The following ARHGEF18 variants were observed in gnomAD, a reference collection of about 807,000 sequenced individuals.
The protein encoded by ARHGEF18 is Rho/Rac guanine nucleotide exchange factor 18, also known as rho guanine nucleotide exchange factor 18.
Under a neutral mutation model 155.7 loss-of-function variants are expected in ARHGEF18, and 93 were observed. The ratio of observed to expected loss-of-function variants is 0.60; its 90% CI spans 0.50 to 0.71. ARHGEF18 has a LOEUF of 0.71. ARHGEF18 is among the 30% of genes least tolerant of loss of function. ARHGEF18 has a pLI of 0.00. For missense variants in ARHGEF18, 1,593 were observed against 1,816.1 expected (o/e 0.88, Z 2.23); for synonymous variants, 742 against 753.1 (o/e 0.99, Z 0.24).
intron 10 of ARHGEF18, among the ~76,000 whole-genome samples, chr19:7,409,042 AGCAAGACCCTGT>A (rs1462323602): frequency 6.8e-6 from 1 of 147,492 alleles, no homozygotes; most frequent in African/African-American, 2.5e-5. Context: ...CCTGGGCAAG[AGCAAGACCCTGT>A]TTCTTTTTTT....
chr19:7,373,181 G>A (rs760408764), intron 3 of ARHGEF18, 110 bp downstream of exon 3: 19 of 1,213,204 alleles, frequency 1.6e-5, no homozygotes, highest in Non-Finnish European at 2.0e-5. Context: ...ACCTGCCGTG[G>A]TCCCCAACCT....
intron 10 of ARHGEF18, among the ~76,000 whole-genome samples, chr19:7,415,961 A>G (rs8107952): frequency 0.019 from 2,822 of 152,296 alleles, 84 homozygotes; most frequent in African/African-American, 0.064. Flanking sequence ...GAGTTCCCAC[A>G]CAGGTTCCCA....
chr19:7,466,221 C>G (rs1353050422), intron 23 of ARHGEF18, among the ~76,000 whole-genome samples: 15 of 151,042 alleles, frequency 9.9e-5, no homozygotes, highest in Admixed American at 9.9e-4. Flanking sequence ...CCGCCTCTAC[C>G]AAATATACAA....
downstream of ARHGEF18, chr19:7,472,971 G>A (rs1233600868): frequency 2.2e-6 from 1 of 455,896 alleles, no homozygotes; most frequent in African/African-American, 2.0e-5. Flanking sequence ...CAAAGTGCTG[G>A]GATTACGGGC....
intron 19 of ARHGEF18, among the ~76,000 whole-genome samples, 157 bp from the exon 20 acceptor site, chr19:7,459,746 C>T (rs1976077366): frequency 6.6e-6 from 1 of 152,204 alleles, no homozygotes; most frequent in South Asian, 2.1e-4. Flanking sequence ...GTCAGTGGCT[C>T]TCTCTCTTCC....
chr19:7,458,111 A>T (rs1975961313), intron 18 of ARHGEF18, among the ~76,000 whole-genome samples: 1 of 151,778 alleles, frequency 6.6e-6, no homozygotes, highest in Admixed American at 6.6e-5. Context: ...ACATAGTGAG[A>T]TCCCATCTCT....
chr19:7,455,374 C>G (rs1975764179), intron 17 of ARHGEF18, among the ~76,000 whole-genome samples: 1 of 152,196 alleles, frequency 6.6e-6, no homozygotes. Flanking sequence ...AGAGAATTAG[C>G]AAAAGCGTAT....
intron 10 of ARHGEF18, among the ~76,000 whole-genome samples, chr19:7,384,664 G>A (rs1032107634): frequency 6.6e-6 from 1 of 151,650 alleles, no homozygotes; most frequent in African/African-American, 2.4e-5. Flanking sequence ...GCTGTCCTCA[G>A]CAGAGGCTGG....
intron 23 of ARHGEF18, 70 bp from the exon 24 acceptor site, chr19:7,466,848 G>GAAT: frequency 1.3e-6 from 1 of 753,112 alleles, no homozygotes; most frequent in Non-Finnish European, 2.1e-6. Flanking sequence ...AGAAGAAGAA[G>GAAT]AAGAAGGCTT....
downstream of ARHGEF18, among the ~76,000 whole-genome samples, chr19:7,476,683 G>T (rs1370085846): frequency 6.6e-6 from 1 of 152,222 alleles, no homozygotes; most frequent in African/African-American, 2.4e-5. Context: ...GGGGAGTAGA[G>T]AACAGCCCTC....
At chr19:7,450,198 C>T (rs968102114) in intron 15 of ARHGEF18, among the ~76,000 whole-genome samples, 4 of 151,026 alleles carry the variant, frequency 2.6e-5, no homozygotes, top group African/African-American at 7.3e-5. Context: ...TGTCCATTTC[C>T]GAGCTGTTAA....
In ARHGEF18 at chr19:7,463,964, G is replaced by A. The variant is rs200203459; in HGVS notation, c.2773+9G>A. 6.0e-5 allele frequency: 94 copies of A among 1,572,318 alleles called. No homozygotes were observed. The Admixed American group carries it at 1.0e-3, about 17-fold the overall frequency. ...AAACAGCCCCACCAAGAGTAAGAGC[G>A]GGGCCGTCTCCCCTCCTGCCTCCAG... On this transcript the variant is annotated intron_variant, in intron 22 of 28. Transcript: ENST00000668164. This position sits in a 1 kb window ranked among gnomAD's most constrained non-coding sequence, Gnocchi z 5.2.
rs878978658 is a variant in ARHGEF18, at chr19:7,466,949, G to A, written c.2936G>A (p.Arg979His). 3 of 1,613,408 alleles carry A rather than the reference G, an allele frequency of 1.9e-6. No individual in the cohort carries two copies. Among genetic ancestry groups the A allele is most frequent in the South Asian group, 1.1e-5 (1 of 91,078 alleles). The change falls in exon 24 of 29, where the codon CGT becomes CAT. Residue 979 changes from arginine (R) to histidine (H), a missense_variant. Arg to His is a conservative substitution (Grantham distance 29). Transcript: ENST00000668164. ...VEAPGTESDP[R>H]LPTVLESELV... ...GCGCCAGGCACGGAATCCGATCCCC[G>A]TCTGCCCACCGTCCTGGAGTCGGAG...
rs771766800 is a variant in ARHGEF18 at position 7,470,138 on chromosome 19, C to T, written c.3926C>T (p.Pro1309Leu). Residue 1309 changes from proline to leucine, a missense_variant, in exon 29 of 29, where the codon CCC (proline) becomes CTC (leucine). Pro to Leu is a moderately conservative substitution (Grantham distance 98, BLOSUM62 -3). Coordinates refer to ENST00000668164, the MANE Select transcript of ARHGEF18 (RefSeq NM_001367823.1). This position sits in a 1 kb window ranked among gnomAD's most constrained non-coding sequence, Gnocchi z 5.9. ...CTCTCTGTTCCAGACCCTGGCTTCC[C>T]CGCCCCGAGCCCACCGCCAGCTGAC... is the stretch of plus-strand genomic sequence containing the variant. ...SPAPPPDPGFPAPSPPPADSP... is the reference protein window; with the variant it reads ...SPAPPPDPGFLAPSPPPADSP... The T allele has an allele frequency of 7.4e-6, 12 of 1,612,276 alleles. No individual in the cohort carries two copies. The highest frequency in any genetic ancestry group is 1.0e-5 in the Non-Finnish European group (12 of 1,179,716).
intron 10 of ARHGEF18, among the ~76,000 whole-genome samples, chr19:7,427,511 A>G (rs916472238): frequency 1.9e-5 from 2 of 105,078 alleles, no homozygotes; most frequent in Middle Eastern, 7.9e-3. Flanking sequence ...CGAGTGTGGG[A>G]GTGTCTGCCT....
intron 10 of ARHGEF18, among the ~76,000 whole-genome samples, chr19:7,417,035 A>C (rs1772038524): frequency 6.6e-6 from 1 of 151,654 alleles, no homozygotes; most frequent in South Asian, 2.1e-4. Flanking sequence ...TCAGCCTCCC[A>C]AGTAGCTGGG....
At chr19:7,403,698 C>T (rs1002665633) in intron 10 of ARHGEF18, among the ~76,000 whole-genome samples, 11 of 152,090 alleles carry the variant, frequency 7.2e-5, no homozygotes, top group Middle Eastern at 3.4e-3. Context: ...CCACCGTGCC[C>T]GGCTAATTTT....
chr19:7,474,670 G>A (rs116937327), downstream of ARHGEF18, among the ~76,000 whole-genome samples: 13,271 of 151,906 alleles, frequency 0.087, 661 homozygotes, highest in Non-Finnish European at 0.12. Flanking sequence ...GAGCCACCGC[G>A]CCTGGTCTAT....
intron 2 of ARHGEF18, 86 bp downstream of exon 2, chr19:7,362,991 G>GCA: frequency 8.2e-7 from 1 of 1,222,806 alleles, no homozygotes; most frequent in Non-Finnish European, 1.0e-6. Context: ...ATTTTACCAG[G>GCA]CACTTTGTGT....
Sources: allele counts gnomAD v4.1 joint callset (sites outside exome capture counted in the v4.1 genomes callset), GRCh38; gene constraint gnomAD v4.1.1; non-coding constraint Gnocchi (gnomAD v3.1); transcripts MANE v1.5; gene names NCBI Gene and HGNC (gene_info 2026-07-23, HGNC 2026-07-21).